The following MGAT4C variants were observed in gnomAD, a reference collection of about 807,000 sequenced individuals.
MGAT4C encodes the protein alpha-1,3-mannosyl-glycoprotein 4-beta-N-acetylglucosaminyltransferase C.
In MGAT4C, 19 loss-of-function variants were observed where a neutral mutation model predicts 40.1. That is an observed-to-expected ratio of 0.47 (90% CI 0.33 to 0.70). The LOEUF (loss-of-function observed/expected upper bound fraction) is 0.70. Ranked by LOEUF, MGAT4C falls within the 30% of genes least tolerant of loss-of-function variation. The pLI is 0.02. For synonymous variants in MGAT4C, 181 were observed against 187.1 expected (o/e 0.97, Z 0.27); for missense variants, 491 against 563.2 (o/e 0.87, Z 1.30).
At chr12:86,100,648 T>C (rs563358797) in intron 1 of MGAT4C, among the ~76,000 whole-genome samples, 1 of 151,630 alleles carries the variant, frequency 6.6e-6, no homozygotes, top group South Asian at 2.1e-4. Flanking sequence ...TATATATTCA[T>C]AATTGGTAAA....
chr12:86,675,929 T>C (rs1479500551), intron 2 of MGAT4C, among the ~76,000 whole-genome samples: 3 of 151,124 alleles, frequency 2.0e-5, no homozygotes, highest in African/African-American at 7.3e-5. Context: ...CTTAGTTCTA[T>C]CTAACTTTAT....
At chr12:86,006,868 C>A (rs1415614925) in intron 2 of MGAT4C, among the ~76,000 whole-genome samples, 9 of 152,116 alleles carry the variant, frequency 5.9e-5, no homozygotes, top group Non-Finnish European at 1.3e-4. Context: ...TCTACTTTTC[C>A]TTTTGTATTC....
intron 2 of MGAT4C, among the ~76,000 whole-genome samples, chr12:86,608,884 A>G (rs1593039840): frequency 6.6e-6 from 1 of 152,248 alleles, no homozygotes; most frequent in East Asian, 1.9e-4. Context: ...TGTCTCAAAC[A>G]CTTTTTCACA....
At chr12:86,250,244 A>AT (rs1566223038) in intron 1 of MGAT4C, among the ~76,000 whole-genome samples, 2 of 151,900 alleles carry the variant, frequency 1.3e-5, no homozygotes, top group African/African-American at 4.8e-5. Context: ...ATCCTTTTCT[A>AT]TTTGTATCTC....
At chr12:86,611,456 T>TGATAGATAGATAGATAGATA (rs5799787) in intron 2 of MGAT4C, among the ~76,000 whole-genome samples, 310 of 143,658 alleles carry the variant, frequency 2.2e-3, no homozygotes, top group Middle Eastern at 3.5e-3. Flanking sequence ...GATAGATAGA[T>TGATAGATAGATAGATAGATA]GATAGATAGA....
intron 3 of MGAT4C, among the ~76,000 whole-genome samples, chr12:86,351,184 T>G (rs1361568923): frequency 1.3e-5 from 2 of 151,954 alleles, no homozygotes; most frequent in Non-Finnish European, 2.9e-5. Context: ...TACTAGAAAT[T>G]GTTTAGTTCC....
At position 85,979,082 on chromosome 12, in the gene MGAT4C, A is replaced by G; in HGVS notation, c.*207T>C. The G allele has an allele frequency of 2.4e-6, 1 of 424,372 alleles. No individual in the cohort carries two copies. The highest frequency in any genetic ancestry group is 4.2e-6 in the Non-Finnish European group (1 of 239,224). 26.3% of individuals were successfully genotyped at this position (424,372 alleles called of 1,614,324 possible). On this transcript the variant is annotated 3_prime_UTR_variant, in exon 5 of 5. Coordinates refer to ENST00000611864, the MANE Select transcript of MGAT4C (RefSeq NM_001351288.2). ...TATAAATGAAAGTAGCATTAGCTAT[A>G]GACTGATATTCAACTTCAGACGTTA... is the stretch of plus-strand genomic sequence containing the variant.
chr12:86,039,412 T>G (rs1166895832), intron 2 of MGAT4C, among the ~76,000 whole-genome samples: 1 of 152,110 alleles, frequency 6.6e-6, no homozygotes, highest in African/African-American at 2.4e-5. Flanking sequence ...GAGGCTTTGT[T>G]TGTTTCTTTT....
At chr12:86,621,605 A>C (rs922591016) in intron 2 of MGAT4C, among the ~76,000 whole-genome samples, 1 of 152,104 alleles carries the variant, frequency 6.6e-6, no homozygotes, top group Non-Finnish European at 1.5e-5. Context: ...CAGCCTCCTG[A>C]GTAGCTGGGA....
intron 2 of MGAT4C, among the ~76,000 whole-genome samples, chr12:86,513,630 A>G (rs1452776019): frequency 6.6e-6 from 1 of 152,144 alleles, no homozygotes; most frequent in Admixed American, 6.5e-5. Context: ...CTGTATGGGA[A>G]AAAAATGAAC....
chr12:86,826,517 C>T lies in MGAT4C; in HGVS notation c.-262+12149G>A, dbSNP rs145103419. Among the ~76,000 whole-genome samples, 66 of 151,520 alleles carry T rather than the reference C, an allele frequency of 4.4e-4. 1 individual carries two copies. Among genetic ancestry groups the T allele is most frequent in the Admixed American group, 1.3e-3 (20 of 15,134 alleles). ...TTGATATGTCCATGTTTCAATGATG[C>T]CATCACAATATTTTTGTTTAAATGC... On this transcript the variant is annotated intron_variant, in intron 1 of 7. Transcript: ENST00000548651.
chr12:85,984,238 GT>G (rs1884964207), intron 3 of MGAT4C, among the ~76,000 whole-genome samples: 1 of 152,188 alleles, frequency 6.6e-6, no homozygotes, highest in South Asian at 2.1e-4. Context: ...CTATCTAGCT[GT>G]TGAGAAGGGC....
chr12:86,287,930 C>A (rs1490317015), intron 4 of MGAT4C, among the ~76,000 whole-genome samples: 1 of 152,202 alleles, frequency 6.6e-6, no homozygotes, highest in Non-Finnish European at 1.5e-5. Context: ...GCCACACTGT[C>A]TTCCACAATG....
chr12:86,280,242 A>G (rs534382114), intron 4 of MGAT4C, among the ~76,000 whole-genome samples: 1 of 152,126 alleles, frequency 6.6e-6, no homozygotes, highest in African/African-American at 2.4e-5. Context: ...GAGGTGTTAA[A>G]GTCTACAGGT....
chr12:86,696,091 A>C (rs1249537390), intron 2 of MGAT4C, among the ~76,000 whole-genome samples: 2 of 152,100 alleles, frequency 1.3e-5, no homozygotes, highest in East Asian at 3.9e-4. Flanking sequence ...GCGCACCTGT[A>C]TTCCCAACTA....
intron 2 of MGAT4C, among the ~76,000 whole-genome samples, chr12:86,603,058 C>T (rs996007898): frequency 6.6e-6 from 1 of 151,344 alleles, no homozygotes; most frequent in Non-Finnish European, 1.5e-5. Flanking sequence ...GGAATCTAAA[C>T]CAGTGAAATT....
intron 2 of MGAT4C, among the ~76,000 whole-genome samples, chr12:86,532,307 A>T (rs1958999362): frequency 6.6e-6 from 1 of 152,036 alleles, no homozygotes; most frequent in African/African-American, 2.4e-5. Context: ...TAGGTAACTC[A>T]AAATTATTGT....
intron 1 of MGAT4C, among the ~76,000 whole-genome samples, chr12:86,141,190 A>T (rs986415135): frequency 6.6e-6 from 1 of 152,188 alleles, no homozygotes. Context: ...TTCTTTTTGA[A>T]TGCCTCTGAG....
At chr12:86,200,356 T>C (rs995483879) in intron 1 of MGAT4C, among the ~76,000 whole-genome samples, 2 of 152,168 alleles carry the variant, frequency 1.3e-5, no homozygotes, top group Non-Finnish European at 2.9e-5. Context: ...CTTGTACAAG[T>C]AGTTTTGTAA....
Sources: gnomAD v4.1 joint callset for allele counts (sites outside exome capture counted in the v4.1 genomes callset) on GRCh38, gnomAD v4.1.1 for gene constraint, MANE v1.5 for transcripts, NCBI Gene and HGNC (gene_info 2026-07-23, HGNC 2026-07-21) for gene names.